Variants in STXBP4 observed in about 807,000 individuals in gnomAD.
The protein encoded by STXBP4 is syntaxin-binding protein 4.
A neutral mutation model predicts 76.1 loss-of-function variants in STXBP4; 55 were observed. The ratio of observed to expected loss-of-function variants is 0.72; its 90% confidence interval spans 0.58 to 0.91. STXBP4 has a LOEUF of 0.91. STXBP4 is among the 40% of genes least tolerant of loss of function. The pLI is 0.00. For synonymous variants in STXBP4, 201 were observed against 220.2 expected (o/e 0.91, Z 0.77); for missense variants, 618 against 636.9 (o/e 0.97, Z 0.32).
At position 54,999,800 on chromosome 17, in the gene STXBP4, A is replaced by G; in HGVS notation, c.456A>G (p.Ser152=). 1 of 1,613,398 alleles carries G rather than the reference A, an allele frequency of 6.2e-7. No individual in the cohort carries two copies. The highest frequency in any genetic ancestry group is 2.2e-5 in the East Asian group (1 of 44,764). The part of the protein sequence containing the change: ...SPPEILIPKT[S]STPKTNNDIL... ...CTGAAATACTAATCCCAAAGACCTC[A>G]TCCACTCCCAAAACAAATAATGACA... Residue 152 remains serine (S), a synonymous_variant, in exon 6 of 18, where the codon TCA becomes TCG. Coordinates refer to ENST00000376352, the MANE Select transcript of STXBP4 (RefSeq NM_178509.6).
At chr17:54,977,388 A>T (rs9893306) in intron 1 of STXBP4, among the ~76,000 whole-genome samples, 42,680 of 152,086 alleles carry the variant, frequency 0.28, 6,252 homozygotes, top group African/African-American at 0.35. Flanking sequence ...TCTTGTCATC[A>T]TGCCCTAAAT....
At chr17:55,183,408 A>G in the STXBP4 span, among the ~76,000 whole-genome samples, 1 of 152,226 alleles carries the variant, frequency 6.6e-6, no homozygotes, top group African/African-American at 2.4e-5. Flanking sequence ...CAAGACAGCA[A>G]GACCCAGTCT....
intron 10 of STXBP4, among the ~76,000 whole-genome samples, chr17:55,039,604 T>C (rs1031434155): frequency 2.6e-5 from 4 of 151,928 alleles, no homozygotes; most frequent in Admixed American, 2.0e-4. Flanking sequence ...AACTAAAGTA[T>C]AGTGAAGGTG....
At chr17:55,116,652 T>C (rs1449412885) in intron 16 of STXBP4, among the ~76,000 whole-genome samples, 1 of 85,934 alleles carries the variant, frequency 1.2e-5, no homozygotes, top group Non-Finnish European at 2.4e-5. Flanking sequence ...AAAAGGATAA[T>C]TATATGCAGT....
In STXBP4 at chr17:55,156,734, G is replaced by A. The variant is rs368036942; in HGVS notation, c.1548-3063G>A. On this transcript the variant is annotated intron_variant, in intron 17 of 17. Coordinates refer to ENST00000376352, the MANE Select transcript of STXBP4 (RefSeq NM_178509.6). ...GCATATTTGATGCTTAGGTGTGTGC[G>A]TGTGTGTTTTTAGGCATATACAAAA... Among the ~76,000 whole-genome samples the A allele has an allele frequency of 6.6e-5, 10 of 152,226 alleles. 1 individual carries two copies. The South Asian group carries it at 1.2e-3, about 19-fold the overall frequency.
At chr17:55,098,261 C>A (rs2079519618) in intron 16 of STXBP4, among the ~76,000 whole-genome samples, 1 of 152,136 alleles carries the variant, frequency 6.6e-6, no homozygotes, top group African/African-American at 2.4e-5. Context: ...TTTCAAGTGG[C>A]AGTAATTTTG....
chr17:55,211,901 C>T, the STXBP4 span, among the ~76,000 whole-genome samples: 1 of 146,528 alleles, frequency 6.8e-6, no homozygotes, highest in Non-Finnish European at 1.5e-5. Context: ...ACCTCCGCCT[C>T]CTGGGTTCAA....
intron 8 of STXBP4, among the ~76,000 whole-genome samples, chr17:55,007,974 A>G (rs926597029): frequency 6.6e-6 from 1 of 152,036 alleles, no homozygotes; most frequent in African/African-American, 2.4e-5. Context: ...CCATTATTCA[A>G]TTTTTTTTAA....
the STXBP4 span, among the ~76,000 whole-genome samples, chr17:55,191,350 C>G: frequency 2.6e-5 from 4 of 152,146 alleles, no homozygotes; most frequent in African/African-American, 9.7e-5. Flanking sequence ...ACCTGAGATT[C>G]TGCATTTCCA....
chr17:55,169,607 G>A lies in STXBP4; in HGVS notation c.*9696G>A, dbSNP rs1012690988. ...TGTGAAAAATGTGTGTCTTAGAATC[G>A]ATAAAATATGGTATAGAGAATCAAG... On this transcript the variant is annotated 3_prime_UTR_variant, in exon 18 of 18. Transcript: ENST00000376352. 7.2e-5 allele frequency: 11 copies of A among 152,154 alleles called. No homozygotes were observed. The highest frequency in any genetic ancestry group is 1.9e-4 in the African/African-American group (8 of 41,434). 9.4% of individuals were successfully genotyped at this position (152,154 alleles called of 1,614,324 possible). A position where few individuals can be genotyped will look rare whatever the true frequency, so the allele number is the denominator to read the frequency against.
chr17:55,188,667 C>T, the STXBP4 span, among the ~76,000 whole-genome samples: 3 of 152,126 alleles, frequency 2.0e-5, no homozygotes, highest in Admixed American at 2.0e-4. Context: ...TTAAAGGATC[C>T]CACAAAGAAT....
chr17:55,001,619 G>A (rs2144502410), intron 7 of STXBP4, among the ~76,000 whole-genome samples: 1 of 152,096 alleles, frequency 6.6e-6, no homozygotes, highest in East Asian at 1.9e-4. Flanking sequence ...TGTTTTAATA[G>A]CATTATTTAT....
At chr17:55,174,711 A>G (rs1047886230), downstream of STXBP4, among the ~76,000 whole-genome samples, 1 of 152,208 alleles carries the variant, frequency 6.6e-6, no homozygotes, top group Non-Finnish European at 1.5e-5. Flanking sequence ...AGGTTGGCCT[A>G]GACCACAGAG....
the STXBP4 span, among the ~76,000 whole-genome samples, chr17:55,196,451 A>G: frequency 2.6e-4 from 40 of 152,156 alleles, no homozygotes; most frequent in Non-Finnish European, 4.9e-4. Flanking sequence ...TTTCTATTCA[A>G]CCCTACACTG....
chr17:55,000,401 G>A (rs2077890722), intron 6 of STXBP4: 5 of 409,354 alleles, frequency 1.2e-5, no homozygotes, highest in Admixed American at 6.4e-5. Flanking sequence ...AGAATAAAGT[G>A]TGTATTATTT....
At chr17:55,083,697 A>C (rs2079287495) in intron 16 of STXBP4, among the ~76,000 whole-genome samples, 1 of 152,174 alleles carries the variant, frequency 6.6e-6, no homozygotes, top group Non-Finnish European at 1.5e-5. Flanking sequence ...GTGGCTATCA[A>C]CTGGAACACC....
At chr17:55,095,089 G>A (rs1406524849) in intron 16 of STXBP4, among the ~76,000 whole-genome samples, 1 of 152,186 alleles carries the variant, frequency 6.6e-6, no homozygotes, top group Non-Finnish European at 1.5e-5. Context: ...ATTGCAGGAT[G>A]TGTACTATCT....
At chr17:55,077,919 T>C (rs2024466) in intron 13 of STXBP4, among the ~76,000 whole-genome samples, 159 bp from the exon 14 acceptor site, 5,799 of 152,174 alleles carry the variant, frequency 0.038, 393 homozygotes, top group African/African-American at 0.13. Context: ...CTTTTAAATA[T>C]GCAGTTAGTT....
At chr17:55,061,992 T>C (rs1445373668) in intron 12 of STXBP4, among the ~76,000 whole-genome samples, 2 of 152,130 alleles carry the variant, frequency 1.3e-5, no homozygotes, top group Admixed American at 6.5e-5. Flanking sequence ...CCCAGCACTT[T>C]AGGAGGCCAA....
Sources: allele counts gnomAD v4.1 joint callset (sites outside exome capture counted in the v4.1 genomes callset), GRCh38; gene constraint gnomAD v4.1.1; transcripts MANE v1.5; gene names NCBI Gene and HGNC (gene_info 2026-07-23, HGNC 2026-07-21).